The following DNAH7 variants were observed in gnomAD, a reference collection of about 807,000 sequenced individuals.
The protein encoded by DNAH7 is dynein axonemal heavy chain 7.
In DNAH7, 397 loss-of-function variants were observed where a neutral mutation model predicts 444.6. The observed-to-expected ratio is 0.89, with a 90% confidence interval of 0.82 to 0.97. The LOEUF (loss-of-function observed/expected upper bound fraction) is 0.97, where lower values mean the gene tolerates loss of function less well. Among genes scored for constraint, DNAH7 ranks in the 50% least tolerant of loss-of-function variants. The pLI, the probability that DNAH7 is intolerant of heterozygous loss-of-function variation, is 0.00. For synonymous variants in DNAH7, 1,636 were observed against 1,624.4 expected, an observed-to-expected ratio of 1.01 and a Z score of -0.17; for missense variants, 4,902 against 4,800.8, an observed-to-expected ratio of 1.02 and a Z score of -0.62.
At chr2:195,962,280 A>T (rs986076072) in intron 17 of DNAH7, among the ~76,000 whole-genome samples, 1 of 152,232 alleles carries the variant, frequency 6.6e-6, no homozygotes, top group Non-Finnish European at 1.5e-5. Flanking sequence ...AATGCCTATC[A>T]TATGTTAAAT....
chr2:195,964,707 A>G (rs1285798903), intron 17 of DNAH7, among the ~76,000 whole-genome samples: 1 of 86,356 alleles, frequency 1.2e-5, no homozygotes, highest in Non-Finnish European at 2.8e-5. Flanking sequence ...TCTACTAAAA[A>G]TACAAAAAAA....
At chr2:195,890,081 T>C (rs367919971) in intron 31 of DNAH7, among the ~76,000 whole-genome samples, 9 of 152,304 alleles carry the variant, frequency 5.9e-5, no homozygotes, top group African/African-American at 2.2e-4. Flanking sequence ...GCAAATATGA[T>C]TTCAAGTTGA....
rs76769174 is a variant in DNAH7 at position 195,953,789 on chromosome 2, A to G, written c.3078+3472T>C. Among the ~76,000 whole-genome samples, 2,962 of 152,294 alleles carry G rather than the reference A, an allele frequency of 0.019. 249 individuals are homozygous for G. The East Asian group carries it at 0.27, about 14-fold the overall frequency. On this transcript the variant is annotated intron_variant, in intron 19 of 64. Coordinates refer to ENST00000312428, the MANE Select transcript of DNAH7 (RefSeq NM_018897.3). ...ATTTACATCCTATTTTCAACCTCTG[A>G]GGTTTTTAAAAGAACCTTTATTAGG...
intron 24 of DNAH7, among the ~76,000 whole-genome samples, chr2:195,919,346 A>G (rs1418646721): frequency 6.6e-6 from 1 of 152,074 alleles, no homozygotes; most frequent in Non-Finnish European, 1.5e-5. Flanking sequence ...TACTCTTTAA[A>G]AAGTCTTTTT....
intron 50 of DNAH7, among the ~76,000 whole-genome samples, chr2:195,817,355 TATTC>T (rs1278769197): frequency 2.0e-5 from 3 of 152,188 alleles, no homozygotes; most frequent in Non-Finnish European, 4.4e-5. Flanking sequence ...GGATGCAACA[TATTC>T]ATTCATACCA....
At chr2:195,916,876 G>C (rs1156756545) in intron 24 of DNAH7, among the ~76,000 whole-genome samples, 1 of 151,700 alleles carries the variant, frequency 6.6e-6, no homozygotes, top group Non-Finnish European at 1.5e-5. Context: ...GAGGCGGGCG[G>C]ATCACGAGGT....
At chr2:195,744,220 C>A (rs1476795165) in intron 63 of DNAH7, among the ~76,000 whole-genome samples, 3 of 152,264 alleles carry the variant, frequency 2.0e-5, no homozygotes, top group African/African-American at 4.8e-5. Flanking sequence ...TATCCCACAC[C>A]TGGCTCGGAG....
intron 59 of DNAH7, among the ~76,000 whole-genome samples, chr2:195,776,651 AT>A (rs1695078597): frequency 6.6e-6 from 1 of 152,058 alleles, no homozygotes; most frequent in African/African-American, 2.4e-5. Context: ...TACTCTGATT[AT>A]TCTGTTTACT....
intron 48 of DNAH7, among the ~76,000 whole-genome samples, chr2:195,826,651 G>C (rs930433727): frequency 6.6e-6 from 1 of 151,968 alleles, no homozygotes; most frequent in African/African-American, 2.4e-5. Flanking sequence ...TTTTTTTCTG[G>C]AAACTGTATA....
chr2:196,001,663 A>T lies in DNAH7; in HGVS notation c.1173+12T>A. ...TTTGTAAATACATATTGGTGAACTG[A>T]ACCATACTTACTGGGGGTTGTGCAA... On this transcript the variant is annotated intron_variant, in intron 11 of 64. Coordinates refer to ENST00000312428, the MANE Select transcript of DNAH7 (RefSeq NM_018897.3). The T allele has an allele frequency of 6.5e-7, 1 of 1,532,376 alleles. No individual in the cohort carries two copies. The highest frequency in any genetic ancestry group is 8.8e-7 in the Non-Finnish European group (1 of 1,140,170). 94.9% of individuals were successfully genotyped at this position (1,532,376 alleles called of 1,614,324 possible). A position where few individuals can be genotyped will look rare whatever the true frequency, so the allele number is the denominator to read the frequency against.
chr2:195,992,818 T>C (rs1574970395), intron 12 of DNAH7, among the ~76,000 whole-genome samples: 2 of 152,192 alleles, frequency 1.3e-5, no homozygotes, highest in South Asian at 2.1e-4. Context: ...TGGGACGCCA[T>C]TCCTGAAGAG....
chr2:195,957,580 T>A (rs1690765975), intron 18 of DNAH7, 133 bp from the exon 19 acceptor site: 1 of 454,834 alleles, frequency 2.2e-6, no homozygotes, highest in African/African-American at 2.3e-5. Flanking sequence ...ATATACAATC[T>A]TGTATATAAT....
chr2:195,795,931 G>C (rs1230997306), intron 56 of DNAH7: 5 of 152,246 alleles, frequency 3.3e-5, no homozygotes, highest in African/African-American at 1.2e-4. Context: ...AAGGGAGTTA[G>C]GAGTGGGCTA....
chr2:195,989,229 G>A (rs980655187), intron 12 of DNAH7, among the ~76,000 whole-genome samples: 1 of 152,080 alleles, frequency 6.6e-6, no homozygotes, highest in South Asian at 2.1e-4. Flanking sequence ...GTATCATATG[G>A]TTGTACTACC....
At chr2:195,768,639 A>C (rs1694698482) in intron 61 of DNAH7, among the ~76,000 whole-genome samples, 1 of 152,124 alleles carries the variant, frequency 6.6e-6, no homozygotes, top group Non-Finnish European at 1.5e-5. Context: ...TTACATTTCC[A>C]ATAACACATA....
At chr2:195,947,747 T>C (rs1278191246) in intron 19 of DNAH7, among the ~76,000 whole-genome samples, 2 of 152,212 alleles carry the variant, frequency 1.3e-5, no homozygotes, top group East Asian at 3.8e-4. Context: ...AGTGCTGCAA[T>C]AAACACACGT....
chr2:195,826,910 CT>C (rs1432328614), intron 48 of DNAH7, among the ~76,000 whole-genome samples: 1 of 152,034 alleles, frequency 6.6e-6, no homozygotes, highest in Non-Finnish European at 1.5e-5. Flanking sequence ...CCAATATGGC[CT>C]TTTATACCAC....
intron 10 of DNAH7, among the ~76,000 whole-genome samples, chr2:196,004,082 G>A (rs1694211428): frequency 6.6e-6 from 1 of 152,304 alleles, no homozygotes; most frequent in Non-Finnish European, 1.5e-5. Context: ...TTTTAGAACT[G>A]AGGATGGAGA....
At chr2:195,881,701 T>A in intron 36 of DNAH7, 94 bp downstream of exon 36, 2 of 1,323,860 alleles carry the variant, frequency 1.5e-6, no homozygotes, top group Non-Finnish European at 2.1e-6. Flanking sequence ...ATCAAAGTAC[T>A]TGAGTATTTT....
Sources: gnomAD v4.1 joint callset for allele counts (sites outside exome capture counted in the v4.1 genomes callset) on GRCh38, gnomAD v4.1.1 for gene constraint, MANE v1.5 for transcripts, NCBI Gene and HGNC (gene_info 2026-07-23, HGNC 2026-07-21) for gene names.